The following RGS7 variants were observed in gnomAD, a reference collection of about 807,000 sequenced individuals.
RGS7 encodes the protein regulator of G-protein signaling 7.
Under a neutral mutation model 81.1 loss-of-function variants are expected in RGS7, and 27 were observed. The observed-to-expected ratio is 0.33, with a 90% CI of 0.25 to 0.46. The LOEUF (loss-of-function observed/expected upper bound fraction) is 0.46, where lower values mean the gene tolerates loss of function less well. Ranked by LOEUF, RGS7 falls within the 20% of genes least tolerant of loss-of-function variation. The pLI, the probability that RGS7 is intolerant of heterozygous loss-of-function variation, is 1.00. For synonymous variants in RGS7, 208 were observed against 207.7 expected (o/e 1.00, Z -0.01); for missense variants, 396 against 607.4 (o/e 0.65, Z 3.66).
In RGS7 at chr1:240,868,984, A is replaced by G. The variant is rs1663992839; in HGVS notation, c.451-132T>C. ...AGCCCTAAGTGTACTGTGGTTCTCA[A>G]TGATAAGTCATGCTCCCTGAATTCA... is the stretch of plus-strand genomic sequence containing the variant. On this transcript the variant is annotated intron_variant, in intron 7 of 18. Transcript: ENST00000440928. This position sits in a 1 kb window ranked among gnomAD's most constrained non-coding sequence, Gnocchi z 5.1. 2.5e-6 allele frequency: 2 copies of G among 791,230 alleles called. No homozygotes were observed. Among genetic ancestry groups the G allele is most frequent in the East Asian group, 2.5e-5 (1 of 39,668 alleles). 49.0% of individuals were successfully genotyped at this position (791,230 alleles called of 1,614,324 possible).
intron 5 of RGS7, among the ~76,000 whole-genome samples, chr1:240,931,553 A>T (rs73118013): frequency 0.075 from 11,411 of 152,132 alleles, 1,093 homozygotes; most frequent in African/African-American, 0.23. Context: ...CATACGTATA[A>T]ACACCTATTA....
chr1:240,805,286 A>C (rs1002502674), intron 15 of RGS7, among the ~76,000 whole-genome samples: 3 of 152,124 alleles, frequency 2.0e-5, no homozygotes, highest in African/African-American at 7.2e-5. Context: ...TGGGAGGCTG[A>C]GGTAGGAGGA....
At chr1:241,170,021 T>G (rs929615858) in intron 2 of RGS7, among the ~76,000 whole-genome samples, 2 of 152,096 alleles carry the variant, frequency 1.3e-5, no homozygotes, top group Admixed American at 1.3e-4. Flanking sequence ...GACTCTGGGA[T>G]AGCTACCCTG....
intron 2 of RGS7, among the ~76,000 whole-genome samples, chr1:241,108,193 A>G (rs1372486032): frequency 3.3e-5 from 5 of 150,330 alleles, no homozygotes; most frequent in South Asian, 4.3e-4. Context: ...AATCCCAGCT[A>G]TCGGGAGGCT....
chr1:241,228,875 A>G (rs1409035076), intron 2 of RGS7, among the ~76,000 whole-genome samples: 3 of 152,178 alleles, frequency 2.0e-5, no homozygotes, highest in Non-Finnish European at 1.5e-5. Flanking sequence ...GAATAAAACA[A>G]TGAAATTTGG....
chr1:240,967,595 A>C (rs1192863889), intron 4 of RGS7, among the ~76,000 whole-genome samples: 1 of 150,820 alleles, frequency 6.6e-6, no homozygotes, highest in Non-Finnish European at 1.5e-5. Context: ...AGGCTGTAGC[A>C]AGAGTATGGG....
chr1:240,895,049 A>G (rs1437365015), intron 6 of RGS7, among the ~76,000 whole-genome samples: 1 of 152,026 alleles, frequency 6.6e-6, no homozygotes, highest in Non-Finnish European at 1.5e-5. Context: ...CATGATAGTG[A>G]GTTCTCGTGA....
chr1:241,120,214 C>T (rs762097575), intron 2 of RGS7, among the ~76,000 whole-genome samples: 58 of 152,302 alleles, frequency 3.8e-4, no homozygotes, highest in Admixed American at 1.1e-3. Flanking sequence ...GCCTGCCTAC[C>T]TGGTTAAAAT....
intron 11 of RGS7, 90 bp from the exon 12 acceptor site, chr1:240,814,867 C>A (rs1690517663): frequency 1.2e-6 from 1 of 842,664 alleles, no homozygotes. Context: ...CAATTCTGAA[C>A]AAGAGTATAG....
intron 3 of RGS7, among the ~76,000 whole-genome samples, chr1:241,040,532 G>A (rs2502407): frequency 0.68 from 103,264 of 151,442 alleles, 36,131 homozygotes; most frequent in East Asian, 0.96. Flanking sequence ...ACTGAGTTTC[G>A]CTCTTGTTGC....
chr1:241,056,850 CACA>C (rs2061499547), intron 3 of RGS7, among the ~76,000 whole-genome samples: 1 of 152,148 alleles, frequency 6.6e-6, no homozygotes, highest in Non-Finnish European at 1.5e-5. Context: ...ATTAAAATTG[CACA>C]AACATGTACA....
chr1:241,211,267 T>C (rs972620080), intron 2 of RGS7, among the ~76,000 whole-genome samples: 2 of 152,042 alleles, frequency 1.3e-5, no homozygotes, highest in Non-Finnish European at 2.9e-5. Context: ...ACCCTGTGTG[T>C]TTATTCACTA....
chr1:241,148,827 AAC>A (rs1330834163), intron 2 of RGS7, among the ~76,000 whole-genome samples: 1 of 152,292 alleles, frequency 6.6e-6, no homozygotes, highest in African/African-American at 2.4e-5. Context: ...TAAAACAAAT[AAC>A]AGTTTTACAT....
At chr1:241,040,088 T>C (rs1172816491) in intron 3 of RGS7, among the ~76,000 whole-genome samples, 4 of 152,332 alleles carry the variant, frequency 2.6e-5, no homozygotes, top group African/African-American at 4.8e-5. Context: ...AAATCAGTCA[T>C]ATGGACTCTT....
At chr1:241,189,750 A>G (rs1445747883) in intron 2 of RGS7, among the ~76,000 whole-genome samples, 1 of 152,188 alleles carries the variant, frequency 6.6e-6, no homozygotes, top group African/African-American at 2.4e-5. Flanking sequence ...ATGGACATTT[A>G]ATCGCTCTAG....
intron 2 of RGS7, among the ~76,000 whole-genome samples, chr1:241,304,377 G>A (rs1388519046): frequency 4.6e-5 from 7 of 152,176 alleles, no homozygotes; most frequent in Admixed American, 6.5e-5. Flanking sequence ...GTATAACTCT[G>A]GAAGTAGAGA....
At chr1:241,289,243 C>A (rs1416859788) in intron 2 of RGS7, among the ~76,000 whole-genome samples, 1 of 152,198 alleles carries the variant, frequency 6.6e-6, no homozygotes, top group Middle Eastern at 3.2e-3. Flanking sequence ...ACTCTCTCTT[C>A]TTCAGTCAAT....
intron 9 of RGS7, among the ~76,000 whole-genome samples, chr1:240,853,431 C>A (rs1040335325): frequency 1.3e-5 from 2 of 152,120 alleles, no homozygotes; most frequent in African/African-American, 4.8e-5. Context: ...CAGATTAATA[C>A]GAAAGCTACA....
intron 3 of RGS7, among the ~76,000 whole-genome samples, chr1:241,083,254 GAAACAAAACAAAACA>G (rs149562159): frequency 3.5e-5 from 5 of 142,136 alleles, no homozygotes; most frequent in South Asian, 2.2e-4. Context: ...AAAAGAAAAA[GAAACAAAACAAAACA>G]AAACAAAACA....
Sources: gnomAD v4.1 joint callset for allele counts (sites outside exome capture counted in the v4.1 genomes callset) on GRCh38, gnomAD v4.1.1 for gene constraint, Gnocchi (gnomAD v3.1) non-coding constraint, MANE v1.5 for transcripts, NCBI Gene and HGNC (gene_info 2026-07-23, HGNC 2026-07-21) for gene names.